Variants in TUBGCP2 observed in about 807,000 individuals in gnomAD.
TUBGCP2 encodes the protein gamma-tubulin complex component 2.
Under a neutral mutation model 92.2 loss-of-function variants are expected in TUBGCP2, and 55 were observed. The ratio of observed to expected loss-of-function variants is 0.60; its 90% CI spans 0.48 to 0.75. The LOEUF (loss-of-function observed/expected upper bound fraction) is 0.75. TUBGCP2 is among the 30% of genes least tolerant of loss of function. The pLI is 0.00. For synonymous variants in TUBGCP2, 533 were observed against 505.2 expected (o/e 1.06, Z -0.74); for missense variants, 1,093 against 1,188.9 (o/e 0.92, Z 1.19).
At chr10:133,299,720 G>A in intron 3 of TUBGCP2, 117 bp from the exon 4 acceptor site, 1 of 950,016 alleles carries the variant, frequency 1.1e-6, no homozygotes, top group Non-Finnish European at 1.6e-6. Flanking sequence ...CCCATTAATA[G>A]CAAAGCGACG....
In TUBGCP2 at chr10:133,282,349, G is replaced by C. The variant is rs549052177; in HGVS notation, c.2290-7C>G. 6.3e-7 allele frequency: 1 copy of C among 1,581,964 alleles called. No homozygotes were observed. Among genetic ancestry groups the C allele is most frequent in the African/African-American group, 1.4e-5 (1 of 73,588 alleles). On this transcript the variant is annotated splice_polypyrimidine_tract_variant and splice_region_variant and intron_variant, in intron 15 of 17. Coordinates refer to ENST00000252936, the MANE Select transcript of TUBGCP2 (RefSeq NM_006659.4). Reference sequence around the variant, plus strand: ...TCATGCTCTGTGTAAATTTCTAGGGGGGGAGAGTCGCAAGGAAATGCTTCT... The same window carrying C: ...TCATGCTCTGTGTAAATTTCTAGGGCGGGAGAGTCGCAAGGAAATGCTTCT...
In TUBGCP2 at chr10:133,292,549, G is replaced by A. The variant is rs139576034; in HGVS notation, c.1164C>T (p.Phe388=). The change falls in exon 8 of 18, where the codon TTC becomes TTT. Residue 388 remains phenylalanine, a synonymous_variant. Transcript: ENST00000252936. ...TGTAGATCCACTTCTCCAGAACCTC[G>A]AAGTAGGGAGCACTGGCCGCCTTGG... The part of the protein sequence containing the change: ...YLTKAASAPY[F]EVLEKWIYRG... 1.7e-4 allele frequency: 277 copies of A among 1,611,798 alleles called. 1 individual carries two copies. Among genetic ancestry groups the A allele is most frequent in the African/African-American group, 3.1e-4 (23 of 74,858 alleles).
upstream of TUBGCP2, chr10:133,308,932 G>A (rs1452476451): frequency 1.6e-6 from 2 of 1,219,806 alleles, no homozygotes; most frequent in Admixed American, 4.3e-5. Context: ...GCGCCCGCCC[G>A]CGCCCGGGGT....
Position 133,279,833 on chromosome 10 carries a change from G to A in TUBGCP2, c.2642C>T (p.Thr881Ile), listed in dbSNP as rs747869754. 1.3e-6 allele frequency: 2 copies of A among 1,596,584 alleles called. No homozygotes were observed. The highest frequency in any genetic ancestry group is 2.3e-5 in the East Asian group (1 of 43,798). Residue 881 changes from threonine to isoleucine, a missense_variant, in exon 18 of 18, where the codon ACC (threonine) becomes ATC (isoleucine). Physicochemically the swap from Thr to Ile is moderately conservative, Grantham distance 89. This residue lies in a region of TUBGCP2 where 598 missense variants were observed against 675.5 expected (regional missense o/e 0.89). Coordinates refer to ENST00000252936, the MANE Select transcript of TUBGCP2 (RefSeq NM_006659.4). ...RLSAERSQKA[T>I]PQVPVLRGPP... The stretch of plus-strand genomic sequence containing the variant: ...CCCCCGCAGGACAGGCACTTGGGGG[G>A]TGGCCTTCTGGCTCCTCTCTGCAGA...
At position 133,299,426 on chromosome 10, in the gene TUBGCP2, C is replaced by T. The variant is rs143533382; in HGVS notation, c.456+1G>A. 11 of 1,592,954 alleles carry T rather than the reference C, an allele frequency of 6.9e-6. No homozygotes were observed. Among genetic ancestry groups the T allele is most frequent in the Non-Finnish European group, 9.4e-6 (11 of 1,173,068 alleles). On this transcript the variant is annotated splice_donor_variant, in intron 4 of 17. Coordinates refer to ENST00000252936, the MANE Select transcript of TUBGCP2 (RefSeq NM_006659.4). LOFTEE classifies it high-confidence loss of function. ...CCTGTGGACAGCCATGGACGCAGTACCTGCTGCAGCGTGGAGCCTGTGGCC... is the reference window on the plus strand; with the variant it reads ...CCTGTGGACAGCCATGGACGCAGTATCTGCTGCAGCGTGGAGCCTGTGGCC...
rs1564940442 is a variant in TUBGCP2, at chr10:133,292,577, A to C, written c.1136T>G (p.Leu379Arg). 7 of 1,614,150 alleles carry C rather than the reference A, an allele frequency of 4.3e-6. No individual in the cohort carries two copies. Among genetic ancestry groups the C allele is most frequent in the Non-Finnish European group, 5.9e-6 (7 of 1,180,016 alleles). Residue 379 changes from leucine to arginine, a missense_variant, in exon 8 of 18, where the codon CTA becomes CGA. Leu to Arg is a moderately radical substitution (Grantham distance 102). Coordinates refer to ENST00000252936, the MANE Select transcript of TUBGCP2 (RefSeq NM_006659.4). ...GTAGGGAGCACTGGCCGCCTTGGTT[A>C]GGTACAGGCATAGCTCCTGCGCCTG... is the stretch of plus-strand genomic sequence containing the variant. ...DSQAQELCLY[L>R]TKAASAPYFE...
chr10:133,310,317 C>T (rs758068958), upstream of TUBGCP2: 2 of 1,612,448 alleles, frequency 1.2e-6, no homozygotes, highest in South Asian at 1.1e-5. Flanking sequence ...CAGCACGTGT[C>T]TGCTTTTGAT....
At chr10:133,289,167 A>G in intron 9 of TUBGCP2, 147 bp from the exon 10 acceptor site, 2 of 927,336 alleles carry the variant, frequency 2.2e-6, no homozygotes, top group Non-Finnish European at 3.1e-6. Flanking sequence ...TTGTCTACAC[A>G]GAAGGCAGTG....
At chr10:133,282,558 G>A (rs535145190) in intron 15 of TUBGCP2, among the ~76,000 whole-genome samples, 1 of 152,266 alleles carries the variant, frequency 6.6e-6, no homozygotes, top group South Asian at 2.1e-4. Flanking sequence ...ATTTTCCTGA[G>A]AACAGTTATT....
At chr10:133,311,865 A>C (rs763518413), upstream of TUBGCP2, 9 of 1,613,312 alleles carry the variant, frequency 5.6e-6, no homozygotes, top group Non-Finnish European at 7.6e-6. Flanking sequence ...CTCTTTCTGA[A>C]ACCCGTTCTC....
chr10:133,293,957 C>A (rs1250051810), intron 5 of TUBGCP2, among the ~76,000 whole-genome samples, 188 bp from the exon 6 acceptor site: 1 of 152,242 alleles, frequency 6.6e-6, no homozygotes, highest in Non-Finnish European at 1.5e-5. Context: ...CGCCGCAGGA[C>A]GGGGCCGGCC....
At position 133,281,421 on chromosome 10, in the gene TUBGCP2, C is replaced by A. The variant is rs11101677; in HGVS notation, c.2425G>T (p.Ala809Ser). Residue 809 changes from alanine (A) to serine (S), a missense_variant, in exon 17 of 18, where the codon GCA becomes TCA. Coordinates refer to ENST00000252936, the MANE Select transcript of TUBGCP2 (RefSeq NM_006659.4). ...ELARKHLAEH[A>S]DTVQLVSGFE... ...CCGGACACCAGCTGCACAGTGTCTG[C>A]GTGCTCAGCCAGGTGCTGGAAAGAA... is the stretch of plus-strand genomic sequence containing the variant. The A allele has an allele frequency of 5.0e-6, 8 of 1,612,888 alleles. No homozygotes were observed. In the East Asian group the frequency reaches 1.8e-4, roughly 36 times the overall value.
rs531948124 is a variant in TUBGCP2 at position 133,290,102 on chromosome 10, C to T, written c.1215-133G>A. On this transcript the variant is annotated intron_variant, in intron 8 of 17. Transcript: ENST00000252936. ...CTTCCAAGTAACGTTCCACAAGGGC[C>T]GAGCCTAATCTACCAGTTACTTCTC... 8.5e-4 allele frequency: 1,068 copies of T among 1,261,498 alleles called. 1 individual carries two copies. The highest frequency in any genetic ancestry group is 1.0e-3 in the Non-Finnish European group (944 of 911,230). 78.1% of individuals were successfully genotyped at this position (1,261,498 alleles called of 1,614,324 possible).
At chr10:133,312,088 C>A, upstream of TUBGCP2, 1 of 1,455,848 alleles carries the variant, frequency 6.9e-7, no homozygotes, top group Middle Eastern at 2.2e-4. Flanking sequence ...CACTTTTCCT[C>A]ATTGTCTGAG....
intron 14 of TUBGCP2, among the ~76,000 whole-genome samples, 191 bp downstream of exon 14, chr10:133,283,691 T>TGCC (rs1847049292): frequency 1.4e-4 from 1 of 7,202 alleles, no homozygotes; most frequent in South Asian, 4.9e-3. Flanking sequence ...CTCTCCCGCA[T>TGCC]TCCCTGCCTC....
chr10:133,311,788 G>C (rs764507909), upstream of TUBGCP2: 104 of 1,613,382 alleles, frequency 6.4e-5, no homozygotes, highest in Non-Finnish European at 8.6e-5. Context: ...TCTGCTCTGA[G>C]CCTGTGGCAG....
intron 8 of TUBGCP2, chr10:133,290,556 G>A (rs1847259867): frequency 6.6e-6 from 1 of 152,220 alleles, no homozygotes; most frequent in African/African-American, 2.4e-5. Flanking sequence ...CTGGAACGGA[G>A]TATTTAACCT....
intron 2 of TUBGCP2, among the ~76,000 whole-genome samples, chr10:133,300,818 T>G (rs545180985): frequency 6.6e-6 from 1 of 152,258 alleles, no homozygotes; most frequent in East Asian, 1.9e-4. Context: ...CGACTTACAC[T>G]TCCCCCCAGT....
chr10:133,309,191 A>T, upstream of TUBGCP2: 1 of 1,357,286 alleles, frequency 7.4e-7, no homozygotes, highest in Non-Finnish European at 9.7e-7. Context: ...GGGGCCTACG[A>T]CTGCGGGGCG....
Sources: allele counts gnomAD v4.1 joint callset (sites outside exome capture counted in the v4.1 genomes callset), GRCh38; gene constraint gnomAD v4.1.1; regional missense constraint gnomAD v4.1.1; transcripts MANE v1.5; gene names NCBI Gene and HGNC (gene_info 2026-07-23, HGNC 2026-07-21).